The following MTCH1 variants were observed in gnomAD, a reference collection of about 807,000 sequenced individuals.
The protein encoded by MTCH1 is mitochondrial carrier 1.
In MTCH1, 23 loss-of-function variants were observed where a neutral mutation model predicts 49.3. The ratio of observed to expected loss-of-function variants is 0.47; its 90% CI spans 0.34 to 0.66. The LOEUF (loss-of-function observed/expected upper bound fraction) is 0.66, where lower values mean the gene tolerates loss of function less well. Among genes scored for constraint, MTCH1 ranks in the 30% least tolerant of loss-of-function variants. The pLI, the probability that MTCH1 is intolerant of heterozygous loss-of-function variation, is 0.01. For synonymous variants in MTCH1, 229 were observed against 215.2 expected (o/e 1.06, Z -0.56); for missense variants, 397 against 532.1 (o/e 0.75, Z 2.50).
intron 2 of MTCH1, 151 bp from the exon 3 acceptor site, chr6:36,978,762 G>T: frequency 1.8e-6 from 1 of 559,300 alleles, no homozygotes; most frequent in Non-Finnish European, 3.1e-6. Context: ...CCTGGAAGCA[G>T]TCAGGCCCTA....
rs567245944 is a variant in MTCH1 at position 36,977,541 on chromosome 6, G to A, written c.649+93C>T. ...CACTACCACTTCCCAACAGGTCTAC[G>A]GCTGTCTATGTACAGTCCACGAGGG... On this transcript the variant is annotated intron_variant, in intron 5 of 11. Transcript: ENST00000373627. The surrounding 1 kb of genome is among the most constrained non-coding windows in gnomAD (Gnocchi z 5.4). 2.0e-5 allele frequency: 17 copies of A among 858,302 alleles called. No homozygotes were observed. Among genetic ancestry groups the A allele is most frequent in the African/African-American group, 8.4e-5 (5 of 59,800 alleles). The allele number at this position is 858,302 out of a possible 1,614,324, so 53.2% of individuals were successfully genotyped here. A position where few individuals can be genotyped will look rare whatever the true frequency, so the allele number is the denominator to read the frequency against.
chr6:36,976,814 G>T (rs1413702482), intron 6 of MTCH1, among the ~76,000 whole-genome samples: 1 of 152,140 alleles, frequency 6.6e-6, no homozygotes, highest in Non-Finnish European at 1.5e-5. Context: ...CTTCATAGGG[G>T]ATAAAAAGAG....
intron 2 of MTCH1, among the ~76,000 whole-genome samples, chr6:36,979,978 T>C (rs1448112094): frequency 6.6e-6 from 1 of 152,178 alleles, no homozygotes; most frequent in African/African-American, 2.4e-5. Flanking sequence ...CTTTCTGCAG[T>C]GCCAGGAAAC....
In MTCH1 at chr6:36,977,736, T is replaced by C; in HGVS notation, c.592-45A>G. 1.9e-6 allele frequency: 3 copies of C among 1,538,668 alleles called. No homozygotes were observed. The highest frequency in any genetic ancestry group is 2.7e-6 in the Non-Finnish European group (3 of 1,126,588). On this transcript the variant is annotated intron_variant, in intron 4 of 11. Transcript: ENST00000373627. This position sits in a 1 kb window ranked among gnomAD's most constrained non-coding sequence, Gnocchi z 5.4. ...GGGGACTCGCCACCCTCGGCCTGTCTCTGGAACTGGCCCTCGAGGGGAGCT... is the reference window on the plus strand; with the variant it reads ...GGGGACTCGCCACCCTCGGCCTGTCCCTGGAACTGGCCCTCGAGGGGAGCT...
In MTCH1 at chr6:36,977,822, G is replaced by C; in HGVS notation, c.592-131C>G. ...CTGCACATGGGGTCGGTCTGCCAAG[G>C]ATGGCTCCACCTGTTGCCCACTCCC... On this transcript the variant is annotated intron_variant, in intron 4 of 11. Transcript: ENST00000373627. The surrounding 1 kb of genome is among the most constrained non-coding windows in gnomAD (Gnocchi z 5.4). 3 of 874,838 alleles carry C rather than the reference G, an allele frequency of 3.4e-6. No homozygotes were observed. The highest frequency in any genetic ancestry group is 2.7e-5 in the East Asian group (1 of 37,620). The allele number at this position is 874,838 out of a possible 1,614,324, so 54.2% of individuals were successfully genotyped here.
intron 11 of MTCH1, chr6:36,969,396 G>T: frequency 1.9e-6 from 2 of 1,077,178 alleles, no homozygotes; most frequent in Non-Finnish European, 2.3e-6. Flanking sequence ...GGCTCCCTCC[G>T]GGCCACTGCC....
At chr6:36,975,617 C>T (rs1763851301) in intron 7 of MTCH1, 41 bp downstream of exon 7, 5 of 1,593,126 alleles carry the variant, frequency 3.1e-6, no homozygotes, top group Non-Finnish European at 4.3e-6. Context: ...GTTAGCAGAG[C>T]CATGCCCGTG....
rs184044621 is a variant in MTCH1 at position 36,985,807 on chromosome 6, C to T, written c.321+46G>A. 1.7e-3 allele frequency: 2,569 copies of T among 1,543,900 alleles called. 55 individuals are homozygous for T. In the Admixed American group the frequency reaches 0.034, roughly 20 times the overall value. ...AATCCTCCAAATCCTGGCCTGTCAC[C>T]TTCACATCAGCCTCCCATCTCCCTA... On this transcript the variant is annotated intron_variant, in intron 1 of 11. Transcript: ENST00000373627.
intron 1 of MTCH1, 112 bp downstream of exon 1, chr6:36,985,741 C>CCA: frequency 1.9e-6 from 2 of 1,029,166 alleles, no homozygotes; most frequent in East Asian, 3.4e-5. Flanking sequence ...CCGCCGTCCC[C>CCA]ACCCCTCTCC....
Position 36,970,030 on chromosome 6 carries a change from C to G in MTCH1, c.1098+9G>C, listed in dbSNP as rs766356862. On this transcript the variant is annotated intron_variant, in intron 11 of 11. Transcript: ENST00000373627. ...CAGGAAAGGCCTCCGCCGTCCAGTG[C>G]TTGCTCACCTGCACACTCAGGTACT... is the stretch of plus-strand genomic sequence containing the variant. The G allele has an allele frequency of 1.9e-6, 3 of 1,614,098 alleles. No individual in the cohort carries two copies. Among genetic ancestry groups the G allele is most frequent in the Non-Finnish European group, 1.7e-6 (2 of 1,179,984 alleles).
intron 3 of MTCH1, 113 bp from the exon 4 acceptor site, chr6:36,978,268 C>T: frequency 2.0e-6 from 2 of 997,462 alleles, no homozygotes; most frequent in South Asian, 2.8e-5. Context: ...TGTCTATTGG[C>T]TGGGCCCACC....
rs188617109 is a variant in MTCH1 at position 36,975,746 on chromosome 6, G to C, written c.702-29C>G. On this transcript the variant is annotated intron_variant, in intron 6 of 11. Transcript: ENST00000373627. Reference sequence around the variant, plus strand: ...TGAAGAAGGCAAGACAGAGATACAGGGTCATGCAGTCACCTACCAGAAGCC... The same window carrying C: ...TGAAGAAGGCAAGACAGAGATACAGCGTCATGCAGTCACCTACCAGAAGCC... The C allele has an allele frequency of 9.3e-6, 15 of 1,608,974 alleles. No homozygotes were observed. The African/African-American group carries it at 1.6e-4, about 17-fold the overall frequency.
chr6:36,972,163 C>G lies in MTCH1; in HGVS notation c.906+489G>C, dbSNP rs571982803. Among the ~76,000 whole-genome samples the G allele has an allele frequency of 2.0e-5, 3 of 152,156 alleles. No homozygotes were observed. The highest frequency in any genetic ancestry group is 4.4e-5 in the Non-Finnish European group (3 of 68,032). On this transcript the variant is annotated intron_variant, in intron 8 of 11. Coordinates refer to ENST00000373627, the MANE Select transcript of MTCH1 (RefSeq NM_001271641.2). This position sits in a 1 kb window ranked among gnomAD's most constrained non-coding sequence, Gnocchi z 4.1. Reference sequence around the variant, plus strand: ...TCCAGCTGAGTGACTCTGGAGAGCCCAGAGCCTCTCCAGAATTTGTGATCT... The same window carrying G: ...TCCAGCTGAGTGACTCTGGAGAGCCGAGAGCCTCTCCAGAATTTGTGATCT...
intron 6 of MTCH1, 136 bp from the exon 7 acceptor site, chr6:36,975,853 G>A: frequency 1.4e-6 from 1 of 724,702 alleles, no homozygotes; most frequent in Admixed American, 2.3e-5. Flanking sequence ...CTATTACCAT[G>A]AAGAACCAAG....
chr6:36,972,681 G>A lies in MTCH1; in HGVS notation c.877C>T (p.Leu293=). 1 of 1,551,140 alleles carries A rather than the reference G, an allele frequency of 6.4e-7. No individual in the cohort carries two copies. The highest frequency in any genetic ancestry group is 8.7e-7 in the Non-Finnish European group (1 of 1,146,536). Residue 293 remains leucine, a synonymous_variant, in exon 8 of 12, where the codon CTG becomes TTG. Coordinates refer to ENST00000373627, the MANE Select transcript of MTCH1 (RefSeq NM_001271641.2). This position sits in a 1 kb window ranked among gnomAD's most constrained non-coding sequence, Gnocchi z 4.1. The part of the protein sequence containing the change: ...DDSVSDTPGG[L]GNDQNPGSQF... ...GAACCTGGATTCTGGTCGTTTCCCA[G>A]CCCCCCTGGGGTGTCACTCACGCTG...
chr6:36,978,872 CTCCT>C (rs1763987328), intron 2 of MTCH1, among the ~76,000 whole-genome samples: 3 of 138,418 alleles, frequency 2.2e-5, no homozygotes, highest in South Asian at 4.8e-4. Context: ...CCCTCCCTCC[CTCCT>C]TTTTTTTTTT....
At chr6:36,969,048 G>A in intron 11 of MTCH1, 74 bp from the exon 12 acceptor site, 1 of 1,572,524 alleles carries the variant, frequency 6.4e-7, no homozygotes, top group Non-Finnish European at 8.6e-7. Flanking sequence ...GAAGGCCAGT[G>A]TCAGGCAAAG....
At chr6:36,985,767 T>A (rs1259399148) in intron 1 of MTCH1, 86 bp downstream of exon 1, 14 of 454,176 alleles carry the variant, frequency 3.1e-5, no homozygotes, top group African/African-American at 6.1e-5. Flanking sequence ...TCCGTCGCCA[T>A]TGACTGCCCG....
Position 36,970,532 on chromosome 6 carries a change from C to T in MTCH1, c.955-59G>A, listed in dbSNP as rs1763646633. 4.4e-6 allele frequency: 7 copies of T among 1,608,472 alleles called. No homozygotes were observed. In the Admixed American group the frequency reaches 1.0e-4, roughly 23 times the overall value. ...CACCCCGGCCCAGGGAGCAGGGACA[C>T]ACCACGCCAACACCCTGTACCAAGA... On this transcript the variant is annotated intron_variant, in intron 9 of 11. Coordinates refer to ENST00000373627, the MANE Select transcript of MTCH1 (RefSeq NM_001271641.2).
Sources: allele counts gnomAD v4.1 joint callset (sites outside exome capture counted in the v4.1 genomes callset), GRCh38; gene constraint gnomAD v4.1.1; non-coding constraint Gnocchi (gnomAD v3.1); transcripts MANE v1.5; gene names NCBI Gene and HGNC (gene_info 2026-07-23, HGNC 2026-07-21).